UNC13C: variants seen among roughly 807,000 people sequenced by gnomAD.
UNC13C encodes unc-13 homolog C, also known as protein unc-13 homolog C.
A neutral mutation model predicts 245.4 loss-of-function variants in UNC13C; 174 were observed. The ratio of observed to expected loss-of-function variants is 0.71; its 90% CI spans 0.63 to 0.80. UNC13C has a LOEUF of 0.80. Ranked by LOEUF, UNC13C falls within the 30% of genes least tolerant of loss-of-function variation. The pLI is 0.00. For missense variants in UNC13C, 2,829 were observed against 2,602.9 expected, an observed-to-expected ratio of 1.09 and a Z score of -1.89; for synonymous variants, 992 against 895.1, an observed-to-expected ratio of 1.11 and a Z score of -1.93.
At chr15:54,399,310 G>A (rs2040133594) in intron 18 of UNC13C, among the ~76,000 whole-genome samples, 1 of 151,666 alleles carries the variant, frequency 6.6e-6, no homozygotes, top group South Asian at 2.1e-4. Context: ...ACATAGATAA[G>A]AAAGTCCTTT....
At chr15:54,449,873 T>C (rs1160969328) in intron 19 of UNC13C, among the ~76,000 whole-genome samples, 1 of 152,214 alleles carries the variant, frequency 6.6e-6, no homozygotes, top group African/African-American at 2.4e-5. Flanking sequence ...TTTCAGTTTT[T>C]CTGCTCTGTT....
chr15:53,955,329 A>G, the UNC13C span, among the ~76,000 whole-genome samples: 1 of 152,074 alleles, frequency 6.6e-6, no homozygotes, highest in Non-Finnish European at 1.5e-5. Context: ...TCACAATGGG[A>G]AAAGAACAAC....
At chr15:54,490,650 T>C (rs1294978483) in intron 19 of UNC13C, among the ~76,000 whole-genome samples, 4 of 151,706 alleles carry the variant, frequency 2.6e-5, no homozygotes, top group East Asian at 1.9e-4. Flanking sequence ...GGGACAGGGA[T>C]TGGGAAACTT....
At chr15:54,414,081 A>G (rs933540302) in intron 18 of UNC13C, among the ~76,000 whole-genome samples, 4 of 152,154 alleles carry the variant, frequency 2.6e-5, no homozygotes, top group African/African-American at 9.7e-5. Context: ...CTTGTTTTTA[A>G]CCTAAGCTTG....
chr15:54,496,835 G>A (rs1337143825), intron 20 of UNC13C, among the ~76,000 whole-genome samples: 7 of 150,182 alleles, frequency 4.7e-5, no homozygotes, highest in Non-Finnish European at 1.0e-4. Flanking sequence ...AAGTTGGGGG[G>A]GAAGGATAAA....
At chr15:54,227,040 T>C (rs1236811333) in intron 4 of UNC13C, among the ~76,000 whole-genome samples, 1 of 152,166 alleles carries the variant, frequency 6.6e-6, no homozygotes, top group South Asian at 2.1e-4. Context: ...CAGTGGGTCC[T>C]GAGTCCTTAT....
chr15:54,251,994 A>G (rs1360914019), intron 8 of UNC13C, among the ~76,000 whole-genome samples: 1 of 152,244 alleles, frequency 6.6e-6, no homozygotes, highest in Non-Finnish European at 1.5e-5. Context: ...AGTATAGTTA[A>G]GAATAATTAT....
the UNC13C span, among the ~76,000 whole-genome samples, chr15:53,850,576 A>C: frequency 6.6e-6 from 1 of 152,144 alleles, no homozygotes; most frequent in East Asian, 1.9e-4. Flanking sequence ...GCACTGAAAC[A>C]ATGTCTTTTA....
At chr15:53,888,828 T>A in the UNC13C span, among the ~76,000 whole-genome samples, 2 of 152,204 alleles carry the variant, frequency 1.3e-5, no homozygotes, top group Admixed American at 6.5e-5. Flanking sequence ...ATTGCTTATT[T>A]GTGTCAGGTT....
the UNC13C span, among the ~76,000 whole-genome samples, chr15:53,876,045 C>T: frequency 1.3e-5 from 2 of 152,152 alleles, no homozygotes; most frequent in East Asian, 1.9e-4. Context: ...TTTGTTCCCA[C>T]GTAATGATTT....
intron 30 of UNC13C, chr15:54,609,405 G>C (rs1899954431): frequency 6.6e-6 from 1 of 152,118 alleles, no homozygotes; most frequent in African/African-American, 2.4e-5. Context: ...TGGCGGGGTG[G>C]ATAATATCCT....
intron 13 of UNC13C, among the ~76,000 whole-genome samples, chr15:54,308,488 A>C (rs544301583): frequency 3.3e-5 from 5 of 152,030 alleles, no homozygotes; most frequent in Non-Finnish European, 7.4e-5. Context: ...ATATTACTTT[A>C]CATAGTTATT....
intron 2 of UNC13C, among the ~76,000 whole-genome samples, chr15:54,065,895 A>G (rs979338628): frequency 6.6e-5 from 10 of 152,226 alleles, no homozygotes; most frequent in Non-Finnish European, 1.5e-4. Flanking sequence ...ATATTAAGGA[A>G]TCACTGTACT....
intron 10 of UNC13C, among the ~76,000 whole-genome samples, chr15:54,289,855 T>C (rs1419269240): frequency 6.6e-6 from 1 of 152,006 alleles, no homozygotes; most frequent in Non-Finnish European, 1.5e-5. Flanking sequence ...CTGTACCACT[T>C]TGAGTTTACA....
chr15:54,394,112 G>T (rs2040020418), intron 18 of UNC13C, among the ~76,000 whole-genome samples: 1 of 151,802 alleles, frequency 6.6e-6, no homozygotes, highest in South Asian at 2.1e-4. Flanking sequence ...CTCTATACTG[G>T]TCAAGACCGT....
chr15:54,080,955 A>G (rs573423743), intron 2 of UNC13C, among the ~76,000 whole-genome samples: 1 of 151,996 alleles, frequency 6.6e-6, no homozygotes, highest in East Asian at 1.9e-4. Context: ...GCGCTATAAA[A>G]TTTCCTCTTA....
At chr15:54,291,252 T>G (rs1211135553) in intron 10 of UNC13C, among the ~76,000 whole-genome samples, 1 of 152,008 alleles carries the variant, frequency 6.6e-6, no homozygotes, top group Non-Finnish European at 1.5e-5. Flanking sequence ...GCTCTTACTA[T>G]TCCAACTGCT....
chr15:54,452,685 C>A (rs1036705423), intron 19 of UNC13C, among the ~76,000 whole-genome samples: 1 of 152,206 alleles, frequency 6.6e-6, no homozygotes, highest in African/African-American at 2.4e-5. Context: ...CAGACCCCAG[C>A]AGCATGCTTT....
intron 18 of UNC13C, among the ~76,000 whole-genome samples, chr15:54,405,809 A>G (rs1186431624): frequency 6.6e-6 from 1 of 152,142 alleles, no homozygotes; most frequent in East Asian, 1.9e-4. Context: ...AAGGCAGAAA[A>G]TAATAAAGAA....
Sources: gnomAD v4.1 joint callset for allele counts (sites outside exome capture counted in the v4.1 genomes callset) on GRCh38, gnomAD v4.1.1 for gene constraint, MANE v1.5 for transcripts, NCBI Gene and HGNC (gene_info 2026-07-23, HGNC 2026-07-21) for gene names.